Variants in RANBP2 observed in about 807,000 individuals in gnomAD.
RANBP2 encodes E3 SUMO-protein ligase RanBP2.
A neutral mutation model predicts 303.6 loss-of-function variants in RANBP2; 57 were observed. That is an observed-to-expected ratio of 0.19 (90% CI 0.15 to 0.23). RANBP2 has a LOEUF of 0.23. RANBP2 is among the 10% of genes least tolerant of loss of function. The pLI is 1.00. For missense variants in RANBP2, 3,138 were observed against 3,780.8 expected (o/e 0.83, Z 4.46); for synonymous variants, 1,167 against 1,301.5 (o/e 0.90, Z 2.23).
At chr2:109,151,297 A>G in the RANBP2 span, among the ~76,000 whole-genome samples, 1 of 152,164 alleles carries the variant, frequency 6.6e-6, no homozygotes, top group Non-Finnish European at 1.5e-5. Context: ...CAGACTGAAT[A>G]CAGAATTTTT....
At chr2:109,118,379 C>G in the RANBP2 span, among the ~76,000 whole-genome samples, 1 of 151,874 alleles carries the variant, frequency 6.6e-6, no homozygotes. Flanking sequence ...TGGCAAAGAG[C>G]AAACAAACAA....
chr2:109,370,231 C>CTG, the RANBP2 span, among the ~76,000 whole-genome samples: 19 of 150,126 alleles, frequency 1.3e-4, no homozygotes, highest in African/African-American at 4.2e-4. Context: ...GTCTCTGTCT[C>CTG]TCTCTCTCTT....
the RANBP2 span, among the ~76,000 whole-genome samples, chr2:109,491,132 T>C: frequency 6.6e-6 from 1 of 152,216 alleles, no homozygotes; most frequent in South Asian, 2.1e-4. Flanking sequence ...TGGAGTGTTA[T>C]TTCATGTTCT....
chr2:109,185,713 A>AG, the RANBP2 span, among the ~76,000 whole-genome samples: 1 of 152,230 alleles, frequency 6.6e-6, no homozygotes, highest in East Asian at 1.9e-4. Flanking sequence ...ATTTCTGGAA[A>AG]GGAAGTGGGA....
the RANBP2 span, among the ~76,000 whole-genome samples, chr2:108,808,448 G>T: frequency 6.6e-6 from 1 of 151,966 alleles, no homozygotes; most frequent in Non-Finnish European, 1.5e-5. Context: ...TGTGTTTTTC[G>T]TAATGGCTGT....
chr2:109,577,672 G>T, the RANBP2 span, among the ~76,000 whole-genome samples: 46 of 151,902 alleles, frequency 3.0e-4, no homozygotes, highest in African/African-American at 1.1e-3. Flanking sequence ...CAGCACTTTG[G>T]GAGGCCAAGG....
At chr2:108,843,886 C>CT in the RANBP2 span, among the ~76,000 whole-genome samples, 57,504 of 93,908 alleles carry the variant, frequency 0.61, 21,475 homozygotes, top group East Asian at 0.91. Flanking sequence ...GTGTTTCTTT[C>CT]TTTTTTTTTT....
chr2:109,583,515 A>T, the RANBP2 span, among the ~76,000 whole-genome samples: 3 of 152,330 alleles, frequency 2.0e-5, no homozygotes, highest in Admixed American at 6.5e-5. Context: ...TGTAGAGAAA[A>T]GGAAATGCTT....
chr2:108,876,305 G>A, the RANBP2 span: 3 of 999,514 alleles, frequency 3.0e-6, no homozygotes, highest in South Asian at 2.4e-5. Flanking sequence ...TAAACATGTA[G>A]AAATTACCAA....
At chr2:109,428,290 T>C in the RANBP2 span, among the ~76,000 whole-genome samples, 1 of 152,254 alleles carries the variant, frequency 6.6e-6, no homozygotes, top group Non-Finnish European at 1.5e-5. Context: ...ACTAAAATAC[T>C]TTGGTTTACT....
the RANBP2 span, among the ~76,000 whole-genome samples, chr2:108,841,069 C>T: frequency 6.6e-6 from 1 of 152,084 alleles, no homozygotes; most frequent in Non-Finnish European, 1.5e-5. Flanking sequence ...ATGTTGACCT[C>T]AAGTGATCTG....
chr2:108,783,662 G>T lies in RANBP2; in HGVS notation c.9436G>T (p.Glu3146Ter), dbSNP rs761305883. The stretch of plus-strand genomic sequence containing the variant: ...CATTTATGGAGACAAATTTGAAGAT[G>T]AAAATTTTGATGTGAAACATACTGG... ...QSIYGDKFED[E>*]NFDVKHTGPG... is the part of the protein sequence containing the mutation. The change falls in exon 29 of 29, where the codon GAA becomes TAA. Residue 3146 changes from glutamate (E) to a stop codon, truncating the protein, a stop_gained. Coordinates refer to ENST00000283195, the MANE Select transcript of RANBP2 (RefSeq NM_006267.5). LOFTEE classifies it high-confidence loss of function. 1 of 1,611,552 alleles carries T rather than the reference G, an allele frequency of 6.2e-7. No individual in the cohort carries two copies. Among genetic ancestry groups the T allele is most frequent in the Non-Finnish European group, 8.5e-7 (1 of 1,177,702 alleles).
chr2:109,677,009 C>A, the RANBP2 span, among the ~76,000 whole-genome samples: 1 of 152,254 alleles, frequency 6.6e-6, no homozygotes, highest in African/African-American at 2.4e-5. Context: ...ACATTTGCCC[C>A]ACACCTCACT....
the RANBP2 span, among the ~76,000 whole-genome samples, chr2:109,521,605 C>T: frequency 6.6e-6 from 1 of 152,210 alleles, no homozygotes; most frequent in Non-Finnish European, 1.5e-5. Flanking sequence ...GAAGTCTATT[C>T]TATTCTACAG....
the RANBP2 span, among the ~76,000 whole-genome samples, chr2:108,795,074 T>C: frequency 1.3e-5 from 2 of 152,174 alleles, no homozygotes; most frequent in East Asian, 3.9e-4. Context: ...AAAAGTCTTC[T>C]TGTCAACTCT....
At chr2:108,856,685 GT>G in the RANBP2 span, 3 of 993,892 alleles carry the variant, frequency 3.0e-6, no homozygotes, top group East Asian at 7.7e-5. Context: ...TTTAATTTTT[GT>G]TTGTCTTTTG....
chr2:108,740,445 G>A (rs953519057), intron 6 of RANBP2, 44 bp from the exon 7 acceptor site: 8 of 1,596,926 alleles, frequency 5.0e-6, no homozygotes, highest in African/African-American at 1.3e-5. Context: ...ATTATTCACA[G>A]TGCAGTAAGT....
the RANBP2 span, among the ~76,000 whole-genome samples, chr2:109,161,836 G>A: frequency 8.6e-5 from 13 of 151,990 alleles, no homozygotes; most frequent in South Asian, 2.5e-3. Context: ...ACCTCCCATC[G>A]GGCCCCGTCC....
the RANBP2 span, among the ~76,000 whole-genome samples, chr2:109,031,962 C>A: frequency 1.4e-5 from 2 of 139,804 alleles, no homozygotes; most frequent in African/African-American, 5.3e-5. Flanking sequence ...AAACTCTGAA[C>A]GCTCGCTGCC....
Sources: gnomAD v4.1 joint callset for allele counts (sites outside exome capture counted in the v4.1 genomes callset) on GRCh38, gnomAD v4.1.1 for gene constraint, MANE v1.5 for transcripts, NCBI Gene and HGNC (gene_info 2026-07-23, HGNC 2026-07-21) for gene names.